The following MINPP1 variants were observed in gnomAD, a reference collection of about 807,000 sequenced individuals.
MINPP1 encodes the protein multiple inositol polyphosphate phosphatase 1.
MINPP1 carries 28 observed loss-of-function variants against 46.1 expected under a neutral mutation model. The observed-to-expected ratio is 0.61, with a 90% confidence interval of 0.45 to 0.83. MINPP1 has a LOEUF of 0.83. Among genes scored for constraint, MINPP1 ranks in the 40% least tolerant of loss-of-function variants. The probability of loss-of-function intolerance (pLI) is 0.00; values close to 1 mark genes in which losing one functional copy is unlikely to be tolerated. For missense variants in MINPP1, 603 were observed against 610.0 expected (o/e 0.99, Z 0.12); for synonymous variants, 268 against 249.1 (o/e 1.08, Z -0.72).
At chr10:87,513,684 A>G (rs530780784) in intron 3 of MINPP1, among the ~76,000 whole-genome samples, 34 of 152,140 alleles carry the variant, frequency 2.2e-4, no homozygotes, top group Non-Finnish European at 4.6e-4. Flanking sequence ...TCCTTCACCT[A>G]TATTTACCAG....
At chr10:87,530,107 A>G (rs770931849) in intron 4 of MINPP1, among the ~76,000 whole-genome samples, 27 of 152,158 alleles carry the variant, frequency 1.8e-4, no homozygotes, top group Non-Finnish European at 7.3e-5. Context: ...CCATTCGTCT[A>G]ATCTTTTTTC....
chr10:87,523,811 T>C lies in MINPP1; in HGVS notation c.1067+2642T>C, dbSNP rs541416134. 6.4e-4 allele frequency among the ~76,000 whole-genome samples: 98 copies of C among 152,284 alleles called. 1 individual carries two copies. The highest frequency in any genetic ancestry group is 1.2e-3 in the Admixed American group (18 of 15,296). ...CCATCAGAGCTCTTGGATGACCAAG[T>C]GTATTGTCAATGAGCAGTAATATTT... On this transcript the variant is annotated intron_variant, in intron 4 of 4. Transcript: ENST00000371996.
At chr10:87,513,326 A>G in intron 3 of MINPP1, 105 bp downstream of exon 3, 1 of 768,362 alleles carries the variant, frequency 1.3e-6, no homozygotes, top group East Asian at 2.6e-5. Context: ...ATGAGTAGTT[A>G]GGGAACATAA....
intron 4 of MINPP1, among the ~76,000 whole-genome samples, chr10:87,531,250 A>G (rs768239610): frequency 1.3e-5 from 2 of 152,214 alleles, no homozygotes; most frequent in Admixed American, 6.5e-5. Flanking sequence ...CTCAGTTGGA[A>G]ATGCAGAAAT....
intron 4 of MINPP1, among the ~76,000 whole-genome samples, chr10:87,529,458 T>A (rs1420778069): frequency 1.3e-5 from 2 of 152,190 alleles, no homozygotes; most frequent in Non-Finnish European, 2.9e-5. Flanking sequence ...TATTTCTCCT[T>A]CACTTATGAA....
chr10:87,544,475 C>A (rs1380315725), intron 4 of MINPP1, among the ~76,000 whole-genome samples: 3 of 152,146 alleles, frequency 2.0e-5, no homozygotes, highest in African/African-American at 7.2e-5. Context: ...CCCTCTTGCT[C>A]TTCCCTGAGG....
chr10:87,550,068 AG>A (rs1393359227), intron 4 of MINPP1, among the ~76,000 whole-genome samples: 1 of 152,188 alleles, frequency 6.6e-6, no homozygotes, highest in Non-Finnish European at 1.5e-5. Flanking sequence ...CCCTCTCTAC[AG>A]GGTGGGTAAC....
intron 4 of MINPP1, among the ~76,000 whole-genome samples, chr10:87,528,186 G>T (rs1310330313): frequency 6.6e-6 from 1 of 151,842 alleles, no homozygotes; most frequent in African/African-American, 2.4e-5. Flanking sequence ...TTTTTTGAAG[G>T]GTTTTTTGTG....
chr10:87,511,504 G>C (rs1322650784), intron 2 of MINPP1, among the ~76,000 whole-genome samples: 2 of 151,994 alleles, frequency 1.3e-5, no homozygotes, highest in Non-Finnish European at 2.9e-5. Flanking sequence ...ATATTTTTGA[G>C]GTTCTGAAAG....
chr10:87,507,309 A>G (rs1375421152), intron 1 of MINPP1, among the ~76,000 whole-genome samples: 1 of 152,242 alleles, frequency 6.6e-6, no homozygotes, highest in Non-Finnish European at 1.5e-5. Flanking sequence ...TTTAAAGACT[A>G]GCAATAATTA....
chr10:87,511,718 T>C (rs1851337107), intron 2 of MINPP1, among the ~76,000 whole-genome samples: 2 of 150,470 alleles, frequency 1.3e-5, no homozygotes, highest in South Asian at 4.2e-4. Context: ...TTTTGGTGAA[T>C]TTTTTTTTTC....
chr10:87,550,195 A>G (rs1851943295), intron 4 of MINPP1, among the ~76,000 whole-genome samples: 1 of 152,180 alleles, frequency 6.6e-6, no homozygotes, highest in Admixed American at 6.5e-5. Context: ...TAAACCTCTC[A>G]ATTTTTAAAT....
intron 4 of MINPP1, among the ~76,000 whole-genome samples, chr10:87,536,413 C>T (rs78740928): frequency 0.011 from 1,658 of 152,156 alleles, 18 homozygotes; most frequent in South Asian, 0.019. Flanking sequence ...TTTAATAACT[C>T]GATTGAGGTA....
At position 87,532,583 on chromosome 10, in the gene MINPP1, C is replaced by A. The variant is rs187802429; in HGVS notation, c.1067+11414C>A. Among the ~76,000 whole-genome samples, 19 of 152,318 alleles carry A rather than the reference C, an allele frequency of 1.2e-4. No homozygotes were observed. The East Asian group carries it at 2.5e-3, about 20-fold the overall frequency. ...GATGGTTTCCTGGGACTGGGTATCT[C>A]TGTACTAAAAGACTGATGAGGATTT... On this transcript the variant is annotated intron_variant, in intron 4 of 4. Transcript: ENST00000371996.
rs561718122 is a variant in MINPP1 at position 87,536,083 on chromosome 10, G to T, written c.1067+14914G>T. 2.0e-3 allele frequency among the ~76,000 whole-genome samples: 308 copies of T among 152,202 alleles called. 1 individual carries two copies. The highest frequency in any genetic ancestry group is 3.4e-3 in the Middle Eastern group (1 of 294). On this transcript the variant is annotated intron_variant, in intron 4 of 4. Transcript: ENST00000371996. The stretch of plus-strand genomic sequence containing the variant: ...AGTAAAGTCTATTGTTATTTTTCAA[G>T]AATATTTGGACAAATCTATTGAAAT...
chr10:87,516,852 G>C (rs888726451), intron 3 of MINPP1, among the ~76,000 whole-genome samples: 2 of 151,852 alleles, frequency 1.3e-5, no homozygotes, highest in Non-Finnish European at 1.5e-5. Context: ...TATTACAGTA[G>C]TTTATTGTTT....
intron 2 of MINPP1, among the ~76,000 whole-genome samples, chr10:87,509,033 T>C (rs1841708381): frequency 6.6e-6 from 1 of 152,180 alleles, no homozygotes; most frequent in Non-Finnish European, 1.5e-5. Flanking sequence ...TCATAAGTTA[T>C]TGCAGTGGAT....
chr10:87,540,058 C>A (rs1428665314), intron 4 of MINPP1, among the ~76,000 whole-genome samples: 1 of 152,172 alleles, frequency 6.6e-6, no homozygotes, highest in Non-Finnish European at 1.5e-5. Context: ...TTCGTAGACA[C>A]AAGGTCTCTC....
In MINPP1 at chr10:87,527,155, A is replaced by G. The variant is rs553735231; in HGVS notation, c.1067+5986A>G. On this transcript the variant is annotated intron_variant, in intron 4 of 4. Transcript: ENST00000371996. The stretch of plus-strand genomic sequence containing the variant: ...CTTGGGCAGTATGACCATTTTCACT[A>G]TATTGATTCTTCCTATCCATGAGCA... Among the ~76,000 whole-genome samples the G allele has an allele frequency of 1.3e-4, 20 of 152,234 alleles. No homozygotes were observed. In the East Asian group the frequency reaches 3.9e-3, roughly 29 times the overall value.
Sources: allele counts gnomAD v4.1 joint callset (sites outside exome capture counted in the v4.1 genomes callset), GRCh38; gene constraint gnomAD v4.1.1; transcripts MANE v1.5; gene names NCBI Gene and HGNC (gene_info 2026-07-23, HGNC 2026-07-21).